TTC9: variants seen among roughly 807,000 people sequenced by gnomAD.
TTC9 encodes the protein tetratricopeptide repeat protein 9A.
In TTC9, 13 loss-of-function variants were observed where a neutral mutation model predicts 22.9. The ratio of observed to expected loss-of-function variants is 0.57; its 90% CI spans 0.37 to 0.90. The LOEUF (loss-of-function observed/expected upper bound fraction) is 0.90, where lower values mean the gene tolerates loss of function less well. TTC9 is among the 40% of genes least tolerant of loss of function. The pLI is 0.01. For missense variants in TTC9, 280 were observed against 291.8 expected, an observed-to-expected ratio of 0.96 and a Z score of 0.29; for synonymous variants, 148 against 133.2, an observed-to-expected ratio of 1.11 and a Z score of -0.77.
intron 1 of TTC9, among the ~76,000 whole-genome samples, chr14:70,651,270 C>T (rs959336931): frequency 4.7e-5 from 7 of 149,790 alleles, no homozygotes; most frequent in African/African-American, 1.8e-4. Flanking sequence ...GCGTGAGCCA[C>T]TGCACCCAGC....
intron 1 of TTC9, among the ~76,000 whole-genome samples, chr14:70,656,908 C>G (rs1391278308): frequency 6.6e-6 from 1 of 152,198 alleles, no homozygotes; most frequent in Non-Finnish European, 1.5e-5. Flanking sequence ...ACTGCCTTCT[C>G]CCTCTCTGTC....
In TTC9 at chr14:70,642,266, C is replaced by T. The variant is rs1250342831; in HGVS notation, c.137C>T (p.Ala46Val). ...GCCCCAGCGAGGGGCCAGGTCGGGGCGGCGGCCGAGCCGGCCGAGCTCATC... is the reference window on the plus strand; with the variant it reads ...GCCCCAGCGAGGGGCCAGGTCGGGGTGGCGGCCGAGCCGGCCGAGCTCATC... The part of the protein sequence containing the change: ...GGAPARGQVG[A>V]AAEPAELIRR... Residue 46 changes from alanine to valine, a missense_variant, in exon 1 of 3, where the codon GCG becomes GTG. Ala to Val is a moderately conservative substitution (Grantham distance 64, BLOSUM62 0). Transcript: ENST00000256367. 2.7e-6 allele frequency: 4 copies of T among 1,495,392 alleles called. No individual in the cohort carries two copies. The highest frequency in any genetic ancestry group is 2.3e-5 in the Admixed American group (1 of 44,090). The allele number at this position is 1,495,392 out of a possible 1,614,324, so 92.6% of individuals were successfully genotyped here.
At position 70,642,225 on chromosome 14, in the gene TTC9, GGGC is replaced by G; in HGVS notation, c.105_107del (p.Gly37del). ...GGCCACCGCCGCCGCTGTGCGTCCC[GGGC>G]GGCGGCGGAGGAGCCCCAGCGAGGG... On this transcript the variant is annotated inframe_deletion, in exon 1 of 3. Transcript: ENST00000256367. 1 of 1,308,176 alleles carries G rather than the reference GGGC, an allele frequency of 7.6e-7. No homozygotes were observed. Among genetic ancestry groups the G allele is most frequent in the South Asian group, 2.5e-5 (1 of 40,226 alleles). The allele number at this position is 1,308,176 out of a possible 1,614,324, so 81.0% of individuals were successfully genotyped here. A position where few individuals can be genotyped will look rare whatever the true frequency, so the allele number is the denominator to read the frequency against.
intron 1 of TTC9, among the ~76,000 whole-genome samples, chr14:70,647,425 G>T (rs1885918822): frequency 6.6e-6 from 1 of 152,178 alleles, no homozygotes; most frequent in Non-Finnish European, 1.5e-5. Context: ...AGCATGAGTG[G>T]TTGGCTAATA....
chr14:70,663,094 C>G (rs1004964525), intron 1 of TTC9, among the ~76,000 whole-genome samples: 1 of 152,206 alleles, frequency 6.6e-6, no homozygotes, highest in East Asian at 1.9e-4. Flanking sequence ...CCACTCTTGC[C>G]TCACAATGAA....
intron 1 of TTC9, among the ~76,000 whole-genome samples, chr14:70,655,898 T>A (rs909073623): frequency 6.6e-6 from 1 of 152,264 alleles, no homozygotes; most frequent in Non-Finnish European, 1.5e-5. Flanking sequence ...CCACTCACAT[T>A]TTTTGGCAGG....
rs1886294979 is a variant in TTC9 at position 70,671,530 on chromosome 14, C to T, written c.*375C>T. The T allele has an allele frequency of 4.2e-6, 1 of 238,784 alleles. No homozygotes were observed. Among genetic ancestry groups the T allele is most frequent in the East Asian group, 1.1e-4 (1 of 9,096 alleles). The allele number at this position is 238,784 out of a possible 1,614,324, so 14.8% of individuals were successfully genotyped here. The stretch of plus-strand genomic sequence containing the variant: ...TGTACCATCCCACAGGCAGCAGGCA[C>T]ACAGCCCATGGGCTGGATCCTTCCA... On this transcript the variant is annotated 3_prime_UTR_variant, in exon 3 of 3. Coordinates refer to ENST00000256367, the MANE Select transcript of TTC9 (RefSeq NM_015351.2).
At chr14:70,656,818 A>G (rs1213537508) in intron 1 of TTC9, among the ~76,000 whole-genome samples, 3 of 152,222 alleles carry the variant, frequency 2.0e-5, no homozygotes, top group Admixed American at 2.0e-4. Flanking sequence ...TGGCCACTCC[A>G]AAGTCCCGCT....
intron 1 of TTC9, among the ~76,000 whole-genome samples, chr14:70,659,135 C>CAT (rs1452922045): frequency 2.0e-5 from 3 of 149,886 alleles, no homozygotes; most frequent in East Asian, 2.1e-4. Flanking sequence ...CACACACGCA[C>CAT]ACACACACAC....
chr14:70,667,514 A>T lies in TTC9; in HGVS notation c.407-50A>T, dbSNP rs376218324. 6.2e-4 allele frequency: 989 copies of T among 1,598,524 alleles called. 1 individual carries two copies. The highest frequency in any genetic ancestry group is 6.8e-4 in the Non-Finnish European group (789 of 1,168,074). The stretch of plus-strand genomic sequence containing the variant: ...GAGAAGCAACTCAAGGGAAACATGC[A>T]GAGCTGGCCACTGTTGTGCTGATGG... On this transcript the variant is annotated intron_variant, in intron 1 of 2. Coordinates refer to ENST00000256367, the MANE Select transcript of TTC9 (RefSeq NM_015351.2).
At position 70,651,062 on chromosome 14, in the gene TTC9, C is replaced by G. The variant is rs116850543; in HGVS notation, c.406+8527C>G. The stretch of plus-strand genomic sequence containing the variant: ...GTAGCACGTTATCAGCTCACTGCAA[C>G]CTCTGCCACCTGGATTCAAGCGATT... On this transcript the variant is annotated intron_variant, in intron 1 of 2. Coordinates refer to ENST00000256367, the MANE Select transcript of TTC9 (RefSeq NM_015351.2). 2.9e-4 allele frequency among the ~76,000 whole-genome samples: 44 copies of G among 152,236 alleles called. No individual in the cohort carries two copies. In the East Asian group the frequency reaches 7.1e-3, roughly 25 times the overall value.
rs765407534 is a variant in TTC9 at position 70,642,279 on chromosome 14, G to C, written c.150G>C (p.Pro50=). Residue 50 remains proline (P), a synonymous_variant, in exon 1 of 3, where the codon CCG becomes CCC. Transcript: ENST00000256367. ...GCCAGGTCGGGGCGGCGGCCGAGCCGGCCGAGCTCATCCGACGAGCGCACG... is the reference window on the plus strand; with the variant it reads ...GCCAGGTCGGGGCGGCGGCCGAGCCCGCCGAGCTCATCCGACGAGCGCACG... The part of the protein sequence containing the change: ...ARGQVGAAAE[P]AELIRRAHEF... 2.6e-6 allele frequency: 4 copies of C among 1,514,784 alleles called. No individual in the cohort carries two copies. The highest frequency in any genetic ancestry group is 3.5e-6 in the Non-Finnish European group (4 of 1,132,692). The allele number at this position is 1,514,784 out of a possible 1,614,324, so 93.8% of individuals were successfully genotyped here.
At chr14:70,642,641 G>A (rs891765569) in intron 1 of TTC9, 106 bp downstream of exon 1, 1 of 1,146,774 alleles carries the variant, frequency 8.7e-7, no homozygotes, top group Admixed American at 2.9e-5. Context: ...CTGTGACTGT[G>A]TTGCTCTGGG....
At chr14:70,661,273 T>G (rs1205240) in intron 1 of TTC9, among the ~76,000 whole-genome samples, 107,912 of 152,022 alleles carry the variant, frequency 0.71, 38,505 homozygotes, top group East Asian at 0.8. Context: ...CCATTCTAAC[T>G]ATTTCATTTT....
chr14:70,644,222 G>T (rs1203934028), intron 1 of TTC9, among the ~76,000 whole-genome samples: 1 of 152,196 alleles, frequency 6.6e-6, no homozygotes, highest in African/African-American at 2.4e-5. Flanking sequence ...CTTTTCCATG[G>T]TGAAATCAAA....
At chr14:70,658,685 A>T (rs1184218347) in intron 1 of TTC9, among the ~76,000 whole-genome samples, 1 of 152,254 alleles carries the variant, frequency 6.6e-6, no homozygotes, top group African/African-American at 2.4e-5. Context: ...ACAAGAAATG[A>T]AATTCTTTCT....
chr14:70,663,957 C>T (rs1267538197), intron 1 of TTC9, among the ~76,000 whole-genome samples: 2 of 152,174 alleles, frequency 1.3e-5, no homozygotes, highest in African/African-American at 4.8e-5. Flanking sequence ...ATTCTACCCC[C>T]TTCCAGCTGG....
At chr14:70,666,041 C>G (rs1446234481) in intron 1 of TTC9, among the ~76,000 whole-genome samples, 1 of 151,980 alleles carries the variant, frequency 6.6e-6, no homozygotes, top group Non-Finnish European at 1.5e-5. Flanking sequence ...GTACTCCCTC[C>G]GAAGTATGCA....
At chr14:70,664,394 C>T (rs1179692176) in intron 1 of TTC9, among the ~76,000 whole-genome samples, 13 of 152,030 alleles carry the variant, frequency 8.6e-5, no homozygotes, top group Admixed American at 7.2e-4. Flanking sequence ...CAGCCTCCAG[C>T]CTGGCTGTCA....
Sources: gnomAD v4.1 joint callset for allele counts (sites outside exome capture counted in the v4.1 genomes callset) on GRCh38, gnomAD v4.1.1 for gene constraint, MANE v1.5 for transcripts, NCBI Gene and HGNC (gene_info 2026-07-23, HGNC 2026-07-21) for gene names.